The following JAM2 variants were observed in gnomAD, a reference collection of about 807,000 sequenced individuals.
JAM2 encodes junctional adhesion molecule B.
JAM2 carries 17 observed loss-of-function variants against 42.0 expected under a neutral mutation model. The observed-to-expected ratio is 0.40, with a 90% confidence interval of 0.28 to 0.61. The LOEUF is 0.61. Ranked by LOEUF, JAM2 falls within the 20% of genes least tolerant of loss-of-function variation. The pLI is 0.37. For missense variants in JAM2, 319 were observed against 358.3 expected (o/e 0.89, Z 0.89); for synonymous variants, 118 against 128.6 (o/e 0.92, Z 0.56).
chr21:25,652,381 G>A (rs1037352468), intron 1 of JAM2, among the ~76,000 whole-genome samples: 1 of 151,948 alleles, frequency 6.6e-6, no homozygotes, highest in Non-Finnish European at 1.5e-5. Context: ...GACAGAGAAA[G>A]ATGCTGTCTC....
intron 1 of JAM2, among the ~76,000 whole-genome samples, chr21:25,681,814 G>C (rs1601028714): frequency 6.6e-6 from 1 of 152,040 alleles, no homozygotes; most frequent in South Asian, 2.1e-4. Flanking sequence ...AACCCTGTCT[G>C]TACTAAAAAT....
intron 5 of JAM2, among the ~76,000 whole-genome samples, chr21:25,699,528 C>T (rs9974613): frequency 6.6e-6 from 1 of 151,600 alleles, no homozygotes; most frequent in Admixed American, 6.6e-5. Context: ...CAAGACCATC[C>T]TGGCTAACAC....
intron 4 of JAM2, among the ~76,000 whole-genome samples, chr21:25,696,293 C>A (rs1423640063): frequency 6.6e-6 from 1 of 152,116 alleles, no homozygotes; most frequent in Non-Finnish European, 1.5e-5. Context: ...CAGGCTGAGG[C>A]AGGAGAATCA....
intron 4 of JAM2, 84 bp from the exon 5 acceptor site, chr21:25,698,593 G>T: frequency 8.6e-7 from 1 of 1,167,798 alleles, no homozygotes; most frequent in Admixed American, 2.1e-5. Context: ...ATTGATTGTA[G>T]AGACAAAGTC....
chr21:25,688,192 G>GT (rs1384720287), intron 2 of JAM2, among the ~76,000 whole-genome samples: 1 of 151,928 alleles, frequency 6.6e-6, no homozygotes, highest in Admixed American at 6.6e-5. Context: ...TTTCATAGAG[G>GT]TTTTTCCACA....
intron 1 of JAM2, among the ~76,000 whole-genome samples, chr21:25,675,055 A>C (rs933350433): frequency 6.6e-6 from 1 of 152,134 alleles, no homozygotes; most frequent in Admixed American, 6.6e-5. Context: ...TGCAGGCTGT[A>C]CAGGAAGCAT....
chr21:25,644,076 GT>G (rs1337482827), intron 1 of JAM2: 1 of 152,240 alleles, frequency 6.6e-6, no homozygotes, highest in Admixed American at 6.5e-5. Context: ...CTAGACTGAT[GT>G]TTTGAGGAAG....
intron 5 of JAM2, among the ~76,000 whole-genome samples, chr21:25,701,425 C>T (rs1601057831): frequency 6.6e-6 from 1 of 151,384 alleles, no homozygotes; most frequent in South Asian, 2.1e-4. Flanking sequence ...CTCTTCCTTC[C>T]TTTCTCCCTC....
At chr21:25,645,111 C>G (rs1264424474) in intron 1 of JAM2, among the ~76,000 whole-genome samples, 2 of 152,206 alleles carry the variant, frequency 1.3e-5, no homozygotes, top group African/African-American at 4.8e-5. Context: ...GATCTCCTGA[C>G]CTCAGATGAT....
rs76886148 is a variant in JAM2, at chr21:25,714,277, C to T, written c.865-363C>T. The T allele has an allele frequency of 1.1e-5, 13 of 1,215,110 alleles. No homozygotes were observed. In the East Asian group the frequency reaches 2.3e-4, roughly 21 times the overall value. 75.3% of individuals were successfully genotyped at this position (1,215,110 alleles called of 1,614,324 possible). ...ATCCCAGCACTTTGGAAGGCCGCGG[C>T]GGGCGGATCACGAGGTCAGGAGTTC... On this transcript the variant is annotated intron_variant, in intron 9 of 9. Coordinates refer to ENST00000480456, the MANE Select transcript of JAM2 (RefSeq NM_021219.4).
Position 25,639,688 on chromosome 21 carries a change from C to G in JAM2, c.-134C>G. The stretch of plus-strand genomic sequence containing the variant: ...GGGGAAACTGACATCCCATCTAGAG[C>G]CGTCCCTCCTCTTCCTCCCCTCCCG... On this transcript the variant is annotated 5_prime_UTR_variant, in exon 1 of 10. Coordinates refer to ENST00000480456, the MANE Select transcript of JAM2 (RefSeq NM_021219.4). The G allele has an allele frequency of 1.7e-6, 1 of 594,578 alleles. No individual in the cohort carries two copies. Among genetic ancestry groups the G allele is most frequent in the South Asian group, 2.1e-5 (1 of 48,672 alleles). 36.8% of individuals were successfully genotyped at this position (594,578 alleles called of 1,614,324 possible).
intron 1 of JAM2, among the ~76,000 whole-genome samples, chr21:25,646,447 C>T (rs68182136): frequency 0.13 from 19,228 of 151,992 alleles, 1,340 homozygotes; most frequent in South Asian, 0.26. Flanking sequence ...TATTTGTTTC[C>T]AGTGTTTCCA....
At chr21:25,655,382 C>A (rs1372172422) in intron 1 of JAM2, among the ~76,000 whole-genome samples, 2 of 97,904 alleles carry the variant, frequency 2.0e-5, no homozygotes, top group African/African-American at 1.0e-4. Flanking sequence ...GTCCTTGAAG[C>A]CCTCTGGTCT....
intron 8 of JAM2, among the ~76,000 whole-genome samples, chr21:25,710,958 A>C (rs1266254207): frequency 1.3e-5 from 2 of 152,242 alleles, no homozygotes; most frequent in African/African-American, 4.8e-5. Flanking sequence ...GTGCCAAAGC[A>C]GTGTTGGAGA....
At chr21:25,683,795 C>A in intron 1 of JAM2, 88 bp from the exon 2 acceptor site, 1 of 893,418 alleles carries the variant, frequency 1.1e-6, no homozygotes, top group Non-Finnish European at 1.8e-6. Context: ...AACTTTAGGA[C>A]AGTTTTCTTG....
chr21:25,697,719 T>C lies in JAM2; in HGVS notation c.395-958T>C, dbSNP rs767305599. 3.9e-5 allele frequency among the ~76,000 whole-genome samples: 6 copies of C among 152,144 alleles called. No individual in the cohort carries two copies. In the East Asian group the frequency reaches 1.2e-3, roughly 29 times the overall value. On this transcript the variant is annotated intron_variant, in intron 4 of 9. Coordinates refer to ENST00000480456, the MANE Select transcript of JAM2 (RefSeq NM_021219.4). ...GAGTTCAAGACTAGCCTGGGCAACA[T>C]AGTGAGACCCTGTCTATACAAAAAC...
Position 25,702,565 on chromosome 21 carries a change from C to T in JAM2, c.697+296C>T, listed in dbSNP as rs182527211. On this transcript the variant is annotated intron_variant, in intron 6 of 9. Coordinates refer to ENST00000480456, the MANE Select transcript of JAM2 (RefSeq NM_021219.4). Reference sequence around the variant, plus strand: ...AAGTAGTCTTTCTCTCAAATAAAAGCTAAGTATCTTGTAGTCTAAATTGTT... The same window carrying T: ...AAGTAGTCTTTCTCTCAAATAAAAGTTAAGTATCTTGTAGTCTAAATTGTT... 7.2e-5 allele frequency among the ~76,000 whole-genome samples: 11 copies of T among 152,218 alleles called. No individual in the cohort carries two copies. The East Asian group carries it at 2.1e-3, about 29-fold the overall frequency.
intron 6 of JAM2, among the ~76,000 whole-genome samples, chr21:25,704,069 T>TC (rs940824736): frequency 5.9e-5 from 9 of 152,128 alleles, no homozygotes; most frequent in African/African-American, 1.7e-4. Context: ...CAGTTTTTTT[T>TC]TTTTGTCAGA....
chr21:25,683,450 T>A (rs1439521413), intron 1 of JAM2, among the ~76,000 whole-genome samples: 1 of 152,196 alleles, frequency 6.6e-6, no homozygotes, highest in Non-Finnish European at 1.5e-5. Context: ...AATGACTCAT[T>A]TCTATATGAC....
Sources: allele counts gnomAD v4.1 joint callset (sites outside exome capture counted in the v4.1 genomes callset), GRCh38; gene constraint gnomAD v4.1.1; transcripts MANE v1.5; gene names NCBI Gene and HGNC (gene_info 2026-07-23, HGNC 2026-07-21).